Variants in OPA1 observed in about 807,000 individuals in gnomAD.
OPA1 encodes dynamin-like GTPase OPA1, mitochondrial.
OPA1 carries 59 observed loss-of-function variants against 152.9 expected under a neutral mutation model. The observed-to-expected ratio is 0.39, with a 90% CI of 0.31 to 0.48. OPA1 has a LOEUF of 0.48. Among genes scored for constraint, OPA1 ranks in the 20% least tolerant of loss-of-function variants. OPA1 has a pLI of 0.96. For missense variants in OPA1, 1,008 were observed against 1,216.8 expected (o/e 0.83, Z 2.55); for synonymous variants, 400 against 389.9 (o/e 1.03, Z -0.31).
At chr3:193,642,700 C>G in intron 11 of OPA1, 65 bp from the exon 12 acceptor site, 1 of 1,207,284 alleles carries the variant, frequency 8.3e-7, no homozygotes. Flanking sequence ...AGACCACATA[C>G]GGGCTGTGGG....
chr3:193,629,707 TATATC>T (rs1201123860), intron 7 of OPA1, among the ~76,000 whole-genome samples: 1 of 152,154 alleles, frequency 6.6e-6, no homozygotes, highest in African/African-American at 2.4e-5. Context: ...CTACTAACCT[TATATC>T]ATTTTAACTT....
intron 21 of OPA1, 70 bp downstream of exon 21, chr3:193,648,941 TA>T (rs1411129346): frequency 9.3e-7 from 1 of 1,076,884 alleles, no homozygotes; most frequent in African/African-American, 1.6e-5. Flanking sequence ...TGCTAAAACT[TA>T]GATTGATAAA....
At position 193,658,962 on chromosome 3, in the gene OPA1, A is replaced by G. The variant is rs1340689631; in HGVS notation, c.2407A>G (p.Met803Val). The G allele has an allele frequency of 1.2e-6, 2 of 1,613,708 alleles. No homozygotes were observed. The highest frequency in any genetic ancestry group is 2.7e-5 in the African/African-American group (2 of 74,916). ...GCAATGGGATGCAGCTATTTATTTT[A>G]TGGAAGAGGCTCTGCAGGCTCGTCT... is the stretch of plus-strand genomic sequence containing the variant. ...KQQWDAAIYF[M>V]EEALQARLKD... The change falls in exon 24 of 31, where the codon ATG becomes GTG. Residue 803 changes from methionine (M) to valine (V), a missense_variant. Physicochemically the swap from Met to Val is conservative, Grantham distance 21 (BLOSUM62 1). Transcript: ENST00000361510.
chr3:193,638,052 G>A lies in OPA1; in HGVS notation c.1136G>A (p.Arg379His), dbSNP rs1475478496. 1.2e-6 allele frequency: 2 copies of A among 1,613,300 alleles called. No individual in the cohort carries two copies. The highest frequency in any genetic ancestry group is 1.1e-5 in the South Asian group (1 of 91,012). Residue 379 changes from arginine to histidine, a missense_variant, in exon 11 of 31, where the codon CGT becomes CAT. Transcript: ENST00000361510. ...AGAGGATCTGGGGAGATGATGACAC[G>A]TTCTCCAGTTAAGGTAAGAACATAG... The part of the protein sequence containing the change: ...FPRGSGEMMT[R>H]SPVKVTLSEG...
chr3:193,671,388 G>A (rs1479407315), intron 29 of OPA1, among the ~76,000 whole-genome samples: 4 of 152,100 alleles, frequency 2.6e-5, no homozygotes, highest in African/African-American at 4.8e-5. Flanking sequence ...AAAATAACTG[G>A]CCTGTAATCT....
chr3:193,642,703 G>C (rs1252901139), intron 11 of OPA1, 62 bp from the exon 12 acceptor site: 19 of 1,218,676 alleles, frequency 1.6e-5, no homozygotes, highest in Non-Finnish European at 2.1e-5. Flanking sequence ...CCACATACGG[G>C]CTGTGGGAAT....
chr3:193,625,180 C>T (rs1425488424), intron 6 of OPA1, among the ~76,000 whole-genome samples: 1 of 151,798 alleles, frequency 6.6e-6, no homozygotes, highest in African/African-American at 2.4e-5. Context: ...TGACATCATG[C>T]CACATGTGAA....
chr3:193,689,750 T>C (rs1020643130), intron 29 of OPA1, among the ~76,000 whole-genome samples: 2 of 152,202 alleles, frequency 1.3e-5, no homozygotes, highest in Non-Finnish European at 2.9e-5. Flanking sequence ...CCTATTGTAC[T>C]CAAATCGTGT....
chr3:193,606,129 G>A (rs1014595676), intron 1 of OPA1, among the ~76,000 whole-genome samples: 6 of 152,052 alleles, frequency 3.9e-5, no homozygotes, highest in East Asian at 1.9e-4. Flanking sequence ...TTTATCAGCC[G>A]ACAATCCCTT....
At chr3:193,675,341 A>AC (rs1718756696) in intron 29 of OPA1, among the ~76,000 whole-genome samples, 2 of 150,890 alleles carry the variant, frequency 1.3e-5, no homozygotes, top group African/African-American at 4.9e-5. Flanking sequence ...AAAAAAAAAA[A>AC]AAAAAAAAAC....
At chr3:193,648,340 G>C (rs1036500321) in intron 20 of OPA1, 2 of 488,400 alleles carry the variant, frequency 4.1e-6, no homozygotes, top group South Asian at 5.3e-5. Context: ...TGGATTATAA[G>C]ATGTCAAAAC....
intron 29 of OPA1, among the ~76,000 whole-genome samples, chr3:193,687,081 A>G (rs1553796258): frequency 6.6e-6 from 1 of 152,228 alleles, no homozygotes; most frequent in Non-Finnish European, 1.5e-5. Context: ...AAACCTAATT[A>G]CAGATTAGTC....
At chr3:193,623,472 C>T (rs988467295) in intron 6 of OPA1, among the ~76,000 whole-genome samples, 1 of 151,424 alleles carries the variant, frequency 6.6e-6, no homozygotes, top group African/African-American at 2.4e-5. Flanking sequence ...GGACTTTGTA[C>T]GTGAAATGAG....
At chr3:193,638,932 G>A (rs905360381) in intron 11 of OPA1, among the ~76,000 whole-genome samples, 7 of 152,168 alleles carry the variant, frequency 4.6e-5, no homozygotes, top group Non-Finnish European at 8.8e-5. Flanking sequence ...TGCAAGCGGT[G>A]CTGGCAAATA....
chr3:193,615,684 A>G lies in OPA1; in HGVS notation c.362A>G (p.Gln121Arg). 1 of 1,600,370 alleles carries G rather than the reference A, an allele frequency of 6.2e-7. No homozygotes were observed. The highest frequency in any genetic ancestry group is 1.1e-5 in the South Asian group (1 of 90,818). Reference protein sequence around the residue: ...GGYTAKKTFDQWKDMIPDLSE... With the variant: ...GGYTAKKTFDRWKDMIPDLSE... The stretch of plus-strand genomic sequence containing the variant: ...TTTCTTGTCTTTTAGACTTTTGATC[A>G]GTGGAAAGATATGATACCGGACCTT... Residue 121 changes from glutamine (Q) to arginine (R), a missense_variant, in exon 3 of 31, where the codon CAG (glutamine) becomes CGG (arginine). Physicochemically the swap from Gln to Arg is conservative, Grantham distance 43. This residue lies in a region of OPA1 where 408 missense variants were observed against 395.1 expected (regional missense o/e 1.03). Transcript: ENST00000361510.
At chr3:193,611,051 A>G (rs887405434) in intron 1 of OPA1, among the ~76,000 whole-genome samples, 3 of 152,128 alleles carry the variant, frequency 2.0e-5, no homozygotes, top group South Asian at 2.1e-4. Context: ...TCCTGCACCC[A>G]CTGTCTGACA....
chr3:193,617,063 G>C, intron 3 of OPA1, 115 bp from the exon 4 acceptor site: 2 of 675,222 alleles, frequency 3.0e-6, no homozygotes, highest in South Asian at 3.5e-5. Flanking sequence ...GATAATAGTA[G>C]CTGTTTTGTA....
intron 7 of OPA1, chr3:193,627,181 G>A (rs1278320423): frequency 6.6e-6 from 1 of 152,116 alleles, no homozygotes; most frequent in East Asian, 1.9e-4. Flanking sequence ...TAATTCTGCT[G>A]GCTAACCTTA....
chr3:193,627,922 T>G (rs1364526634), intron 7 of OPA1, among the ~76,000 whole-genome samples: 2 of 152,180 alleles, frequency 1.3e-5, no homozygotes, highest in Non-Finnish European at 2.9e-5. Flanking sequence ...ATGGCTTGTT[T>G]CTGCCCACAC....
Sources: allele counts gnomAD v4.1 joint callset (sites outside exome capture counted in the v4.1 genomes callset), GRCh38; gene constraint gnomAD v4.1.1; regional missense constraint gnomAD v4.1.1; transcripts MANE v1.5; gene names NCBI Gene and HGNC (gene_info 2026-07-23, HGNC 2026-07-21).